MOSPD2: variants seen among roughly 807,000 people sequenced by gnomAD.
MOSPD2 encodes motile sperm domain containing 2.
MOSPD2 carries 5 observed loss-of-function variants against 41.7 expected under a neutral mutation model. That is an observed-to-expected ratio of 0.12 (90% CI 0.06 to 0.25). The LOEUF (loss-of-function observed/expected upper bound fraction) is 0.25, where lower values mean the gene tolerates loss of function less well. Among genes scored for constraint, MOSPD2 ranks in the 10% least tolerant of loss-of-function variants. The probability of loss-of-function intolerance (pLI) is 1.00; values close to 1 mark genes in which losing one functional copy is unlikely to be tolerated. For missense variants in MOSPD2, 282 were observed against 375.2 expected, an observed-to-expected ratio of 0.75 and a Z score of 2.05; for synonymous variants, 115 against 126.9, an observed-to-expected ratio of 0.91 and a Z score of 0.63.
intron 10 of MOSPD2, 23 bp from the exon 11 acceptor site, chrX:14,914,480 C>T: frequency 1.0e-6 from 1 of 986,844 alleles, no homozygotes; most frequent in Non-Finnish European, 1.4e-6. Flanking sequence ...TTACAAATGT[C>T]TTATGTTTTT....
intron 6 of MOSPD2, 94 bp downstream of exon 6, chrX:14,900,729 T>A (rs1602032718): frequency 2.5e-6 from 1 of 402,855 alleles, no homozygotes; most frequent in Non-Finnish European, 4.2e-6. Flanking sequence ...TAGACTTTCA[T>A]ACCTGAAACT....
At position 14,920,095 on chromosome X, in the gene MOSPD2, T is replaced by G. The variant is rs974323235; in HGVS notation, c.*286T>G. On this transcript the variant is annotated 3_prime_UTR_variant, in exon 15 of 15. Coordinates refer to ENST00000380492, the MANE Select transcript of MOSPD2 (RefSeq NM_152581.4). ...AATATAATTTATTTTTTCCTTTTGATCTGAATACTTTTAAAGCTTAAGTTT... is the reference window on the plus strand; with the variant it reads ...AATATAATTTATTTTTTCCTTTTGAGCTGAATACTTTTAAAGCTTAAGTTT... The G allele has an allele frequency of 3.5e-4, 257 of 735,286 alleles. No individual in the cohort carries two copies. Among genetic ancestry groups the G allele is most frequent in the Non-Finnish European group, 4.0e-4 (245 of 613,727 alleles). 60.6% of individuals were successfully genotyped at this position (735,286 alleles called of 1,213,427 possible). A position where few individuals can be genotyped will look rare whatever the true frequency, so the allele number is the denominator to read the frequency against.
At position 14,897,106 on chromosome X, in the gene MOSPD2, T is replaced by C. The variant is rs1672716184; in HGVS notation, c.345T>C (p.His115=). Residue 115 remains histidine, a synonymous_variant, in exon 5 of 15, where the codon CAT becomes CAC. Transcript: ENST00000380492. The part of the protein sequence containing the change: ...NKLFWIRVKY[H]VKDQKTILDK... ...AAGTCTGGATCAGGGTGAAGTATCA[T>C]GTAAAAGACCAGAAAACCATATTGG... 3 of 1,205,152 alleles carry C rather than the reference T, an allele frequency of 2.5e-6. No homozygotes were observed. Among genetic ancestry groups the C allele is most frequent in the African/African-American group, 3.5e-5 (2 of 57,538 alleles).
Position 14,892,836 on chromosome X carries a change from C to A in MOSPD2, c.193C>A (p.Leu65Ile). 8.3e-7 allele frequency: 1 copy of A among 1,207,582 alleles called. No homozygotes were observed. The highest frequency in any genetic ancestry group is 1.8e-5 in the South Asian group (1 of 56,658). The change falls in exon 3 of 15, where the codon CTC (leucine) becomes ATC (isoleucine). Residue 65 changes from leucine to isoleucine, a missense_variant. Physicochemically the swap from Leu to Ile is conservative, Grantham distance 5. Transcript: ENST00000380492. Reference protein sequence around the residue: ...HNIVDETLKMLDESFQWRKEI... With the variant: ...HNIVDETLKMIDESFQWRKEI... ...TATTGTAGATGAAACACTGAAGATG[C>A]TCGATGAGAGTTTTCAGTGGAGGAA...
Position 14,885,285 on chromosome X carries a change from A to G in MOSPD2, c.80-7438A>G, listed in dbSNP as rs183205663. The G allele has an allele frequency of 3.6e-5, 4 of 111,857 alleles. No individual in the cohort carries two copies. In the East Asian group the frequency reaches 1.1e-3, roughly 31 times the overall value. 9.2% of individuals were successfully genotyped at this position (111,857 alleles called of 1,213,427 possible). ...TGCCCATACATTATTAAGCAACTAC[A>G]TCAGAAGTCACAATAATAGGTACTT... is the stretch of plus-strand genomic sequence containing the variant. On this transcript the variant is annotated intron_variant, in intron 2 of 14. Transcript: ENST00000380492.
chrX:14,914,691 G>C lies in MOSPD2; in HGVS notation c.1089+92G>C, dbSNP rs181383910. 7 of 528,198 alleles carry C rather than the reference G, an allele frequency of 1.3e-5. No individual in the cohort carries two copies. The Admixed American group carries it at 3.0e-4, about 22-fold the overall frequency. 43.5% of individuals were successfully genotyped at this position (528,198 alleles called of 1,213,427 possible). ...TTCTAATTGAAAGATTGAAAATTTT[G>C]AACTTGTACAGTGTTTTTATTTATG... is the stretch of plus-strand genomic sequence containing the variant. On this transcript the variant is annotated intron_variant, in intron 11 of 14. Coordinates refer to ENST00000380492, the MANE Select transcript of MOSPD2 (RefSeq NM_152581.4).
intron 12 of MOSPD2, 88 bp from the exon 13 acceptor site, chrX:14,916,109 A>G (rs2092599805): frequency 8.8e-7 from 1 of 1,138,411 alleles, no homozygotes; most frequent in Admixed American, 2.9e-5. Flanking sequence ...CTTAATGTTG[A>G]GTTCCAGAAT....
intron 7 of MOSPD2, among the ~76,000 whole-genome samples, chrX:14,906,335 C>A (rs1482062840): frequency 2.7e-5 from 3 of 111,403 alleles, no homozygotes; most frequent in Non-Finnish European, 5.7e-5. Flanking sequence ...CAAGACTATT[C>A]AGTAGAGAAA....
chrX:14,884,448 T>C (rs1438765145), intron 2 of MOSPD2, among the ~76,000 whole-genome samples: 6 of 111,118 alleles, frequency 5.4e-5, no homozygotes, highest in Middle Eastern at 4.6e-3. Context: ...CATTGAAAGA[T>C]AGAAATAAAA....
At chrX:14,880,638 C>T (rs2092529742) in intron 2 of MOSPD2, among the ~76,000 whole-genome samples, 1 of 111,575 alleles carries the variant, frequency 9.0e-6, no homozygotes, top group South Asian at 3.7e-4. Context: ...TTTTCTTCCA[C>T]TTTTGGTTTG....
Position 14,921,488 on chromosome X carries a change from C to T in MOSPD2, c.*1679C>T, listed in dbSNP as rs1025188679. The T allele has an allele frequency of 1.2e-6, 1 of 806,378 alleles. No individual in the cohort carries two copies. Among genetic ancestry groups the T allele is most frequent in the African/African-American group, 2.2e-5 (1 of 46,231 alleles). 66.5% of individuals were successfully genotyped at this position (806,378 alleles called of 1,213,427 possible). A position where few individuals can be genotyped will look rare whatever the true frequency, so the allele number is the denominator to read the frequency against. On this transcript the variant is annotated 3_prime_UTR_variant, in exon 15 of 15. Coordinates refer to ENST00000380492, the MANE Select transcript of MOSPD2 (RefSeq NM_152581.4). The stretch of plus-strand genomic sequence containing the variant: ...TCCCCTTACATGGTAGATTTTTGGC[C>T]TTAATATAATCTAATCCCAAAGTAG...
chrX:14,906,959 G>A (rs2147498221), intron 7 of MOSPD2, among the ~76,000 whole-genome samples: 1 of 112,052 alleles, frequency 8.9e-6, no homozygotes, highest in South Asian at 3.7e-4. Context: ...AGGAGGCAGA[G>A]GTTGCAGTGA....
At chrX:14,913,089 A>T (rs1330735361) in intron 10 of MOSPD2, among the ~76,000 whole-genome samples, 1 of 112,021 alleles carries the variant, frequency 8.9e-6, no homozygotes, top group Admixed American at 9.5e-5. Context: ...TTACTGTTAT[A>T]TTTGGATTTA....
chrX:14,916,443 G>C, intron 13 of MOSPD2, 117 bp downstream of exon 13: 3 of 1,081,394 alleles, frequency 2.8e-6, no homozygotes, highest in Non-Finnish European at 2.5e-6. Flanking sequence ...GCCCTGCAAG[G>C]CTCTGGGGAT....
chrX:14,909,664 C>T (rs1602038063), intron 8 of MOSPD2, among the ~76,000 whole-genome samples: 1 of 111,388 alleles, frequency 9.0e-6, no homozygotes, highest in Admixed American at 9.6e-5. Flanking sequence ...GGACTTGGTA[C>T]GCTTTGGGTT....
intron 2 of MOSPD2, among the ~76,000 whole-genome samples, chrX:14,890,083 T>C (rs1569101712): frequency 8.9e-6 from 1 of 111,882 alleles, no homozygotes; most frequent in African/African-American, 3.3e-5. Flanking sequence ...TTTTTCACTT[T>C]CTTTACATTT....
At chrX:14,887,079 G>A (rs2092542957) in intron 2 of MOSPD2, among the ~76,000 whole-genome samples, 1 of 112,149 alleles carries the variant, frequency 8.9e-6, no homozygotes, top group South Asian at 3.7e-4. Flanking sequence ...TAATGCCCCA[G>A]AAGGACTTTC....
chrX:14,896,456 T>C (rs1164935123), intron 4 of MOSPD2, among the ~76,000 whole-genome samples: 2 of 111,932 alleles, frequency 1.8e-5, no homozygotes, highest in African/African-American at 6.5e-5. Context: ...TTTGCCCCAG[T>C]CCCTTCCCAG....
chrX:14,889,194 C>T (rs1277028754), intron 2 of MOSPD2, among the ~76,000 whole-genome samples: 1 of 110,769 alleles, frequency 9.0e-6, no homozygotes, highest in Non-Finnish European at 1.9e-5. Flanking sequence ...GGCCTAATCA[C>T]CTCTTAAAGG....
Sources: gnomAD v4.1 joint callset for allele counts (sites outside exome capture counted in the v4.1 genomes callset) on GRCh38, gnomAD v4.1.1 for gene constraint, MANE v1.5 for transcripts, NCBI Gene and HGNC (gene_info 2026-07-23, HGNC 2026-07-21) for gene names.